The following UNC79 variants were observed in gnomAD, a reference collection of about 807,000 sequenced individuals.
UNC79 encodes protein unc-79 homolog.
UNC79 carries 37 observed loss-of-function variants against 283.1 expected under a neutral mutation model. The ratio of observed to expected loss-of-function variants is 0.13; its 90% confidence interval spans 0.10 to 0.17. UNC79 has a LOEUF of 0.17. UNC79 is among the 10% of genes least tolerant of loss of function. UNC79 has a pLI of 1.00. For missense variants in UNC79, 2,272 were observed against 3,211.1 expected, an observed-to-expected ratio of 0.71 and a Z score of 7.07; for synonymous variants, 1,107 against 1,200.2, an observed-to-expected ratio of 0.92 and a Z score of 1.61.
chr14:93,589,964 G>T (rs1336480086), intron 22 of UNC79, among the ~76,000 whole-genome samples: 1 of 152,190 alleles, frequency 6.6e-6, no homozygotes, highest in Non-Finnish European at 1.5e-5. Flanking sequence ...AGAGGCTGAG[G>T]TGGGAGGATT....
At chr14:93,391,768 T>TAATTA (rs1252609880) in intron 1 of UNC79, among the ~76,000 whole-genome samples, 1 of 152,140 alleles carries the variant, frequency 6.6e-6, no homozygotes. Context: ...TCCTTCATAT[T>TAATTA]AATTAAAAAA....
Position 93,433,997 on chromosome 14 carries a change from T to C in UNC79, c.22+2946T>C, listed in dbSNP as rs1215817865. ...GGGAGGCCGAGGCAGGTGGATCACC[T>C]GGGGTCGGGAGTTCGAGACCAGCCT... is the stretch of plus-strand genomic sequence containing the variant. On this transcript the variant is annotated intron_variant, in intron 1 of 48. Coordinates refer to ENST00000555664, the Ensembl canonical transcript of UNC79. Among the ~76,000 whole-genome samples, 6 of 152,260 alleles carry C rather than the reference T, an allele frequency of 3.9e-5. No homozygotes were observed. The East Asian group carries it at 1.2e-3, about 29-fold the overall frequency.
At chr14:93,608,748 C>T (rs1303538091) in intron 26 of UNC79, among the ~76,000 whole-genome samples, 2 of 152,194 alleles carry the variant, frequency 1.3e-5, no homozygotes, top group Non-Finnish European at 2.9e-5. Context: ...AGTCAGTTCA[C>T]ATAGAGAAAC....
chr14:93,690,365 G>A lies in UNC79; in HGVS notation c.7272+62G>A. 5.9e-6 allele frequency: 9 copies of A among 1,529,576 alleles called. No homozygotes were observed. The highest frequency in any genetic ancestry group is 3.6e-4 in the Middle Eastern group (2 of 5,556). 94.8% of individuals were successfully genotyped at this position (1,529,576 alleles called of 1,614,324 possible). A position where few individuals can be genotyped will look rare whatever the true frequency, so the allele number is the denominator to read the frequency against. ...GCAATTGCTAATGGAAACCTTATCAGCCAATTATGTTTCTTCTGAGAAGAA... is the reference window on the plus strand; with the variant it reads ...GCAATTGCTAATGGAAACCTTATCAACCAATTATGTTTCTTCTGAGAAGAA... On this transcript the variant is annotated intron_variant, in intron 45 of 48. Coordinates refer to ENST00000555664, the Ensembl canonical transcript of UNC79. This position sits in a 1 kb window ranked among gnomAD's most constrained non-coding sequence, Gnocchi z 4.3.
At chr14:93,389,634 A>C (rs2054843978) in intron 1 of UNC79, among the ~76,000 whole-genome samples, 1 of 148,222 alleles carries the variant, frequency 6.7e-6, no homozygotes, top group Non-Finnish European at 1.5e-5. Flanking sequence ...ATTCTTCCAG[A>C]AAACAAGAAA....
At chr14:93,656,956 G>C (rs1054886762) in intron 38 of UNC79, among the ~76,000 whole-genome samples, 4 of 152,212 alleles carry the variant, frequency 2.6e-5, no homozygotes, top group Admixed American at 1.3e-4. Flanking sequence ...TAAGATACTT[G>C]ATAAAGATCA....
intron 40 of UNC79, among the ~76,000 whole-genome samples, chr14:93,665,679 A>G (rs1411069301): frequency 1.3e-5 from 2 of 151,932 alleles, no homozygotes; most frequent in Non-Finnish European, 2.9e-5. Context: ...CAGACAATAC[A>G]CTTCTCAACA....
At chr14:93,507,360 G>A (rs946059260) in intron 7 of UNC79, among the ~76,000 whole-genome samples, 4 of 152,136 alleles carry the variant, frequency 2.6e-5, no homozygotes, top group African/African-American at 7.2e-5. Flanking sequence ...ATTTATGAGA[G>A]TTTCAGTTGC....
chr14:93,467,627 C>CTTTTTTTTTTTTTTTTTT, intron 1 of UNC79, 44 bp from the exon 2 acceptor site: 1 of 828,960 alleles, frequency 1.2e-6, no homozygotes, highest in Non-Finnish European at 1.4e-6. Context: ...TTTTCTTCTT[C>CTTTTTTTTTTTTTTTTTT]CTTTTTTTTT....
At chr14:93,511,783 CAAAT>C (rs2059839291) in intron 7 of UNC79, among the ~76,000 whole-genome samples, 1 of 152,102 alleles carries the variant, frequency 6.6e-6, no homozygotes, top group African/African-American at 2.4e-5. Context: ...TAAACTAAAA[CAAAT>C]AAACAAAAAA....
At chr14:93,487,559 C>CTT in intron 4 of UNC79, 104 bp from the exon 5 acceptor site, 1 of 738,788 alleles carries the variant, frequency 1.4e-6, no homozygotes. Context: ...TTTATTGGAG[C>CTT]TATTTTTTTT....
intron 3 of UNC79, among the ~76,000 whole-genome samples, chr14:93,476,212 G>A (rs540717692): frequency 3.3e-5 from 5 of 152,278 alleles, no homozygotes; most frequent in African/African-American, 1.2e-4. Flanking sequence ...GTGTCTTGCT[G>A]CTGGGTCTGG....
intron 1 of UNC79, among the ~76,000 whole-genome samples, chr14:93,464,348 G>A (rs1004378341): frequency 1.3e-5 from 2 of 152,150 alleles, no homozygotes; most frequent in Non-Finnish European, 2.9e-5. Context: ...CTTGCAGATG[G>A]CTGCCTTCTC....
In UNC79 at chr14:93,632,977, C is replaced by T. The variant is rs990912692; in HGVS notation, c.5716+2069C>T. On this transcript the variant is annotated intron_variant, in intron 31 of 48. Coordinates refer to ENST00000555664, the Ensembl canonical transcript of UNC79. ...CTGGTACCTTATACACTGAGCTAAA[C>T]ATTAAGGGTTTTATTCTCAGGGAAT... 3.3e-5 allele frequency among the ~76,000 whole-genome samples: 5 copies of T among 151,972 alleles called. No individual in the cohort carries two copies. In the East Asian group the frequency reaches 7.7e-4, roughly 23 times the overall value.
At chr14:93,374,641 C>T (rs929585383) in intron 1 of UNC79, among the ~76,000 whole-genome samples, 2 of 152,118 alleles carry the variant, frequency 1.3e-5, no homozygotes, top group Non-Finnish European at 2.9e-5. Flanking sequence ...TGGGCTCAAG[C>T]GATCCTCCCA....
At chr14:93,501,716 G>A (rs2059299638) in intron 7 of UNC79, among the ~76,000 whole-genome samples, 1 of 151,984 alleles carries the variant, frequency 6.6e-6, no homozygotes, top group African/African-American at 2.4e-5. Flanking sequence ...ATAGCAATAT[G>A]TAAGGAGGAA....
intron 41 of UNC79, among the ~76,000 whole-genome samples, chr14:93,681,450 C>T (rs562345653): frequency 1.4e-3 from 214 of 152,266 alleles, no homozygotes; most frequent in African/African-American, 4.7e-3. Context: ...CTGACTAGCC[C>T]GATAATATGC....
intron 1 of UNC79, among the ~76,000 whole-genome samples, chr14:93,416,777 G>A (rs1022937748): frequency 2.6e-5 from 4 of 152,068 alleles, no homozygotes; most frequent in African/African-American, 7.2e-5. Flanking sequence ...ATTATGTAAT[G>A]GCCTTCTTTG....
chr14:93,680,987 G>C (rs1432506155), intron 41 of UNC79, among the ~76,000 whole-genome samples: 2 of 152,154 alleles, frequency 1.3e-5, no homozygotes, highest in Non-Finnish European at 2.9e-5. Flanking sequence ...TCTAAAACCT[G>C]ATTTATTTAC....
Sources: allele counts gnomAD v4.1 joint callset (sites outside exome capture counted in the v4.1 genomes callset), GRCh38; gene constraint gnomAD v4.1.1; non-coding constraint Gnocchi (gnomAD v3.1); transcripts MANE v1.5; gene names NCBI Gene and HGNC (gene_info 2026-07-23, HGNC 2026-07-21).